Variants in KDM4C observed in about 807,000 individuals in gnomAD.
The protein encoded by KDM4C is lysine demethylase 4C, also known as lysine-specific demethylase 4C.
KDM4C carries 81 observed loss-of-function variants against 129.3 expected under a neutral mutation model. That is an observed-to-expected ratio of 0.63 (90% CI 0.52 to 0.75). The LOEUF is 0.75. Among genes scored for constraint, KDM4C ranks in the 30% least tolerant of loss-of-function variants. The pLI is 0.00. For synonymous variants in KDM4C, 573 were observed against 456.1 expected (o/e 1.26, Z -3.26); for missense variants, 1,457 against 1,304.0 (o/e 1.12, Z -1.81).
At chr9:6,946,454 T>A (rs1044187089) in intron 8 of KDM4C, among the ~76,000 whole-genome samples, 18 of 152,184 alleles carry the variant, frequency 1.2e-4, no homozygotes, top group Non-Finnish European at 1.5e-4. Flanking sequence ...TTATTTAACA[T>A]ATTTTTGGAG....
intron 1 of KDM4C, among the ~76,000 whole-genome samples, chr9:6,792,422 C>G (rs1826851354): frequency 6.6e-6 from 1 of 151,740 alleles, no homozygotes; most frequent in Admixed American, 6.6e-5. Flanking sequence ...AGAGTCTCAC[C>G]CTGTCACCCA....
intron 21 of KDM4C, among the ~76,000 whole-genome samples, 192 bp from the exon 22 acceptor site, chr9:7,174,361 G>A (rs1845250785): frequency 6.6e-6 from 1 of 152,174 alleles, no homozygotes; most frequent in East Asian, 1.9e-4. Context: ...GAGAAAGTAG[G>A]GCTAAATGGA....
intron 1 of KDM4C, among the ~76,000 whole-genome samples, chr9:6,744,134 C>G (rs1817798122): frequency 6.6e-6 from 1 of 152,020 alleles, no homozygotes; most frequent in African/African-American, 2.4e-5. Context: ...GGGAGGCAGA[C>G]TGACTTCTGG....
chr9:6,782,570 CAT>C lies in KDM4C; in HGVS notation c.-17-10399_-17-10398del, dbSNP rs145300077. On this transcript the variant is annotated intron_variant, in intron 1 of 21. Coordinates refer to ENST00000381309, the MANE Select transcript of KDM4C (RefSeq NM_015061.6). ...TATTCGTAACGGCGTACACGTGACACATATGTCTATATATAGCACAGCAAAGG... is the reference window on the plus strand; with the variant it reads ...TATTCGTAACGGCGTACACGTGACACATGTCTATATATAGCACAGCAAAGG... Among the ~76,000 whole-genome samples, 793 of 152,194 alleles carry C rather than the reference CAT, an allele frequency of 5.2e-3. 38 individuals carry two copies. In the East Asian group the frequency reaches 0.089, roughly 17 times the overall value.
At chr9:6,957,213 G>A (rs1457575474) in intron 8 of KDM4C, among the ~76,000 whole-genome samples, 5 of 152,192 alleles carry the variant, frequency 3.3e-5, no homozygotes, top group African/African-American at 1.2e-4. Flanking sequence ...GCACACAGCT[G>A]CTTAGGAAGA....
chr9:7,086,155 C>T (rs1288389022), intron 17 of KDM4C, among the ~76,000 whole-genome samples: 3 of 151,948 alleles, frequency 2.0e-5, no homozygotes, highest in African/African-American at 7.3e-5. Flanking sequence ...CAGACCCCGT[C>T]TCAAAAAAAA....
chr9:6,925,115 C>T, intron 8 of KDM4C: 1 of 985,326 alleles, frequency 1.0e-6, no homozygotes, highest in Non-Finnish European at 1.2e-6. Flanking sequence ...TGCATTTTTC[C>T]TCTTTGAACT....
chr9:7,165,820 C>G (rs1372369363), intron 20 of KDM4C, among the ~76,000 whole-genome samples: 4 of 152,138 alleles, frequency 2.6e-5, no homozygotes, highest in Non-Finnish European at 5.9e-5. Flanking sequence ...ATAGATGTGG[C>G]CAGTTAATGT....
intron 12 of KDM4C, 80 bp from the exon 13 acceptor site, chr9:7,011,618 A>G: frequency 2.4e-6 from 3 of 1,251,614 alleles, no homozygotes; most frequent in South Asian, 1.3e-5. Context: ...ATTCTGTGGA[A>G]TGTTTATTTC....
chr9:6,732,279 C>G (rs565911895), intron 1 of KDM4C, among the ~76,000 whole-genome samples: 1 of 138,344 alleles, frequency 7.2e-6, no homozygotes, highest in Non-Finnish European at 1.5e-5. Context: ...GCAGGAGAAT[C>G]GCTGGAACCC....
intron 12 of KDM4C, among the ~76,000 whole-genome samples, chr9:7,003,264 T>A (rs1198044713): frequency 6.6e-6 from 1 of 152,206 alleles, no homozygotes; most frequent in Non-Finnish European, 1.5e-5. Flanking sequence ...CAGATACCTT[T>A]GTTAATAGTG....
intron 12 of KDM4C, among the ~76,000 whole-genome samples, chr9:7,004,513 A>G (rs948921581): frequency 6.6e-6 from 1 of 152,202 alleles, no homozygotes; most frequent in African/African-American, 2.4e-5. Flanking sequence ...TGTGTAATAT[A>G]TATAGTCATA....
chr9:6,961,495 T>C (rs1312594307), intron 8 of KDM4C, among the ~76,000 whole-genome samples: 1 of 152,166 alleles, frequency 6.6e-6, no homozygotes, highest in Non-Finnish European at 1.5e-5. Flanking sequence ...ATAAACTTTC[T>C]GTTTGTAAAG....
chr9:6,725,790 A>G (rs1287001282), intron 1 of KDM4C, among the ~76,000 whole-genome samples: 8 of 146,026 alleles, frequency 5.5e-5, no homozygotes, highest in Non-Finnish European at 1.0e-4. Flanking sequence ...GCTCACTGCA[A>G]CCTCCACCTC....
intron 17 of KDM4C, among the ~76,000 whole-genome samples, chr9:7,061,437 C>G (rs771668607): frequency 1.3e-5 from 2 of 152,198 alleles, no homozygotes; most frequent in Non-Finnish European, 2.9e-5. Flanking sequence ...GTCTGATAAT[C>G]CTTGGTTGCT....
At chr9:6,795,830 C>T (rs1827641822) in intron 2 of KDM4C, among the ~76,000 whole-genome samples, 1 of 151,936 alleles carries the variant, frequency 6.6e-6, no homozygotes. Flanking sequence ...CAGCACCATG[C>T]CTGGCTAAGT....
intron 19 of KDM4C, among the ~76,000 whole-genome samples, chr9:7,129,127 C>G (rs7021739): frequency 0.54 from 81,880 of 151,826 alleles, 22,466 homozygotes; most frequent in Middle Eastern, 0.63. Context: ...CATTCTGGGT[C>G]TCTGTTGATG....
At chr9:7,149,899 G>A (rs531787890) in intron 19 of KDM4C, among the ~76,000 whole-genome samples, 10 of 152,184 alleles carry the variant, frequency 6.6e-5, no homozygotes, top group Non-Finnish European at 8.8e-5. Flanking sequence ...AGCTTTACAC[G>A]TATAAATTCC....
At chr9:6,827,967 A>G (rs1834161303) in intron 4 of KDM4C, among the ~76,000 whole-genome samples, 1 of 152,158 alleles carries the variant, frequency 6.6e-6, no homozygotes, top group Admixed American at 6.5e-5. Flanking sequence ...TGCATCCAGA[A>G]TGTTTCCGTT....
Sources: allele counts gnomAD v4.1 joint callset (sites outside exome capture counted in the v4.1 genomes callset), GRCh38; gene constraint gnomAD v4.1.1; transcripts MANE v1.5; gene names NCBI Gene and HGNC (gene_info 2026-07-23, HGNC 2026-07-21).